The following AGBL1 variants were observed in gnomAD, a reference collection of about 807,000 sequenced individuals.
AGBL1 encodes AGBL carboxypeptidase 1, also known as cytosolic carboxypeptidase 4.
AGBL1 carries 130 observed loss-of-function variants against 118.9 expected under a neutral mutation model. The observed-to-expected ratio is 1.09, with a 90% CI of 0.95 to 1.26. The LOEUF is 1.26. AGBL1 is among the 50% of genes most tolerant of loss of function. The probability of loss-of-function intolerance (pLI) is 0.00; values close to 1 mark genes in which losing one functional copy is unlikely to be tolerated. For missense variants in AGBL1, 1,584 were observed against 1,298.1 expected, an observed-to-expected ratio of 1.22 and a Z score of -3.38; for synonymous variants, 555 against 478.9, an observed-to-expected ratio of 1.16 and a Z score of -2.08.
chr15:86,246,294 C>T (rs997334406), intron 6 of AGBL1, among the ~76,000 whole-genome samples: 2 of 152,104 alleles, frequency 1.3e-5, no homozygotes, highest in Non-Finnish European at 2.9e-5. Flanking sequence ...CAGCAAAACC[C>T]GTGAAGTAAC....
rs889726747 is a variant in AGBL1, at chr15:86,495,085, G to A, written c.2556-27725G>A. Among the ~76,000 whole-genome samples the A allele has an allele frequency of 1.3e-4, 7 of 52,082 alleles. No homozygotes were observed. The South Asian group carries it at 3.8e-3, about 28-fold the overall frequency. The allele number at this position is 52,082 out of a possible 152,430, so 34.2% of individuals were successfully genotyped here. ...ATCAGTTTTACCTGCCCCCTAGTGCGCTCCGTCTGTCTCGCTCACTCTCTC... is the reference window on the plus strand; with the variant it reads ...ATCAGTTTTACCTGCCCCCTAGTGCACTCCGTCTGTCTCGCTCACTCTCTC... On this transcript the variant is annotated intron_variant, in intron 18 of 22. Coordinates refer to ENST00000614907, the MANE Select transcript of AGBL1 (RefSeq NM_001386094.1).
At chr15:86,473,670 G>T (rs1596159249) in intron 18 of AGBL1, among the ~76,000 whole-genome samples, 1 of 152,124 alleles carries the variant, frequency 6.6e-6, no homozygotes, top group East Asian at 1.9e-4. Flanking sequence ...TTTTATCATA[G>T]GACTGGAAAA....
At chr15:86,506,025 T>C (rs2082972301) in intron 18 of AGBL1, among the ~76,000 whole-genome samples, 1 of 152,080 alleles carries the variant, frequency 6.6e-6, no homozygotes, top group Admixed American at 6.6e-5. Context: ...GCTAGCTTAG[T>C]GGTCTTCTAA....
chr15:86,180,754 A>G (rs1236070308), intron 5 of AGBL1, among the ~76,000 whole-genome samples: 2 of 152,148 alleles, frequency 1.3e-5, no homozygotes. Flanking sequence ...CTGGGAGACA[A>G]TATTTGCCAA....
chr15:86,636,756 T>TACAC (rs1403602693), intron 21 of AGBL1, among the ~76,000 whole-genome samples: 1 of 51,528 alleles, frequency 1.9e-5, no homozygotes, highest in Non-Finnish European at 3.2e-5. Flanking sequence ...TATATATATA[T>TACAC]ATACACATAC....
At position 86,899,664 on chromosome 15, in the gene AGBL1, A is replaced by G. The variant is rs541252133; in HGVS notation, c.3159-7423A>G. 2.0e-5 allele frequency among the ~76,000 whole-genome samples: 3 copies of G among 152,292 alleles called. No homozygotes were observed. In the East Asian group the frequency reaches 5.8e-4, roughly 29 times the overall value. Reference sequence around the variant, plus strand: ...TGATTTGTTCTTCATTTTACCTCACATGAAGACAATTCATCTGAATTAGTT... The same window carrying G: ...TGATTTGTTCTTCATTTTACCTCACGTGAAGACAATTCATCTGAATTAGTT... On this transcript the variant is annotated intron_variant, in intron 22 of 22. Coordinates refer to ENST00000614907, the MANE Select transcript of AGBL1 (RefSeq NM_001386094.1).
At chr15:86,735,405 TAC>T (rs957936352) in intron 22 of AGBL1, among the ~76,000 whole-genome samples, 9 of 152,054 alleles carry the variant, frequency 5.9e-5, no homozygotes, top group East Asian at 5.8e-4. Flanking sequence ...TTAAAGCCAT[TAC>T]ACACACACAA....
At chr15:86,857,605 C>A (rs1435447984) in intron 22 of AGBL1, among the ~76,000 whole-genome samples, 2 of 152,194 alleles carry the variant, frequency 1.3e-5, no homozygotes, top group Admixed American at 6.5e-5. Flanking sequence ...CTTCCCCGAC[C>A]CTTCTGAATA....
intron 23 of AGBL1, among the ~76,000 whole-genome samples, chr15:86,934,664 G>A (rs1012680887): frequency 2.7e-5 from 4 of 149,852 alleles, no homozygotes; most frequent in African/African-American, 7.4e-5. Context: ...TCATGATTAA[G>A]ATTATAGCCC....
chr15:86,668,624 G>A (rs1203878742), intron 21 of AGBL1, among the ~76,000 whole-genome samples: 1 of 152,082 alleles, frequency 6.6e-6, no homozygotes, highest in Non-Finnish European at 1.5e-5. Context: ...ATGATGCTCT[G>A]TTTTATAAAA....
chr15:86,793,035 A>T (rs1005011706), intron 22 of AGBL1, among the ~76,000 whole-genome samples: 3 of 152,182 alleles, frequency 2.0e-5, no homozygotes, highest in Non-Finnish European at 4.4e-5. Flanking sequence ...ACCGTAGTTA[A>T]TATTTTTAAA....
intron 24 of AGBL1, among the ~76,000 whole-genome samples, chr15:86,996,447 T>C (rs1228680107): frequency 6.6e-6 from 1 of 152,168 alleles, no homozygotes; most frequent in Non-Finnish European, 1.5e-5. Flanking sequence ...TTCTTTAATC[T>C]GTGTTTGGAG....
chr15:86,863,661 G>A (rs1171566079), intron 22 of AGBL1, among the ~76,000 whole-genome samples: 6 of 152,116 alleles, frequency 3.9e-5, no homozygotes, highest in Admixed American at 1.3e-4. Flanking sequence ...TTATTAGATG[G>A]GACTTTCCCT....
intron 22 of AGBL1, among the ~76,000 whole-genome samples, chr15:86,774,656 G>C (rs895019747): frequency 5.3e-5 from 8 of 152,084 alleles, no homozygotes; most frequent in African/African-American, 1.9e-4. Flanking sequence ...TTGAGGGCTA[G>C]TGGAAAGTTA....
At chr15:86,169,692 A>G (rs1014146265) in intron 5 of AGBL1, among the ~76,000 whole-genome samples, 1 of 152,226 alleles carries the variant, frequency 6.6e-6, no homozygotes, top group African/African-American at 2.4e-5. Context: ...GGGAATAATG[A>G]CAAGGAAAAA....
intron 23 of AGBL1, among the ~76,000 whole-genome samples, chr15:86,969,923 G>A (rs1400182998): frequency 1.3e-5 from 2 of 151,864 alleles, no homozygotes; most frequent in African/African-American, 4.8e-5. Flanking sequence ...CAAAAATAGA[G>A]TTACTTGGAC....
chr15:86,642,342 C>G (rs2142471047), intron 21 of AGBL1, among the ~76,000 whole-genome samples: 1 of 152,060 alleles, frequency 6.6e-6, no homozygotes, highest in Non-Finnish European at 1.5e-5. Context: ...CTGTCTTTTT[C>G]TTTTTATGGT....
chr15:86,804,000 C>A (rs1001284552), intron 22 of AGBL1, among the ~76,000 whole-genome samples: 5 of 151,948 alleles, frequency 3.3e-5, no homozygotes, highest in African/African-American at 4.8e-5. Flanking sequence ...GTGCTTATAA[C>A]AAGTCTGTTA....
intron 22 of AGBL1, among the ~76,000 whole-genome samples, chr15:86,769,030 A>G (rs2078134367): frequency 1.3e-5 from 2 of 152,014 alleles, no homozygotes; most frequent in African/African-American, 4.8e-5. Flanking sequence ...TAACAAAAGC[A>G]GTCGCCAAAG....
Sources: allele counts gnomAD v4.1 joint callset (sites outside exome capture counted in the v4.1 genomes callset), GRCh38; gene constraint gnomAD v4.1.1; transcripts MANE v1.5; gene names NCBI Gene and HGNC (gene_info 2026-07-23, HGNC 2026-07-21).